The following CUX1 variants were observed in gnomAD, a reference collection of about 807,000 sequenced individuals.
CUX1 encodes the protein protein CASP.
CUX1 carries 31 observed loss-of-function variants against 158.8 expected under a neutral mutation model. The ratio of observed to expected loss-of-function variants is 0.20; its 90% CI spans 0.15 to 0.26. The LOEUF (loss-of-function observed/expected upper bound fraction) is 0.26. Among genes scored for constraint, CUX1 ranks in the 10% least tolerant of loss-of-function variants. CUX1 has a pLI of 1.00. For missense variants in CUX1, 1,589 were observed against 2,014.6 expected (o/e 0.79, Z 4.04); for synonymous variants, 879 against 862.1 (o/e 1.02, Z -0.34).
intron 3 of CUX1, among the ~76,000 whole-genome samples, chr7:102,056,225 A>T (rs768314442): frequency 1.7e-4 from 26 of 152,264 alleles, no homozygotes; most frequent in Non-Finnish European, 3.7e-4. Flanking sequence ...ATAATCAACG[A>T]AGATGATGGC....
chr7:102,011,901 T>G (rs1249441499), intron 2 of CUX1, among the ~76,000 whole-genome samples: 2 of 151,486 alleles, frequency 1.3e-5, no homozygotes, highest in Admixed American at 1.3e-4. Context: ...CGCTGGTCCC[T>G]GGGTTCAAGT....
chr7:102,180,909 TTATTTTATTG>T (rs199649980), intron 11 of CUX1, among the ~76,000 whole-genome samples: 31,249 of 108,560 alleles, frequency 0.29, 3,700 homozygotes, highest in African/African-American at 0.37. Context: ...TTATTTTATT[TTATTTTATTG>T]TATTTTATTT....
chr7:101,831,767 A>G (rs187317102), intron 1 of CUX1, among the ~76,000 whole-genome samples: 2 of 122,858 alleles, frequency 1.6e-5, no homozygotes, highest in Non-Finnish European at 3.6e-5. Context: ...TTAGAGACAG[A>G]GTCTCGCTCT....
intron 3 of CUX1, among the ~76,000 whole-genome samples, chr7:102,028,599 C>G (rs1820336070): frequency 6.6e-6 from 1 of 152,224 alleles, no homozygotes; most frequent in African/African-American, 2.4e-5. Context: ...CACAGAGCAT[C>G]TAGCAGAAGC....
intron 1 of CUX1, among the ~76,000 whole-genome samples, chr7:101,836,913 G>A (rs1020630792): frequency 6.6e-6 from 1 of 152,138 alleles, no homozygotes; most frequent in African/African-American, 2.4e-5. Flanking sequence ...AAGATGGAAG[G>A]AACCTGGGCC....
At chr7:101,954,889 A>G (rs1192623479) in intron 2 of CUX1, among the ~76,000 whole-genome samples, 3 of 151,372 alleles carry the variant, frequency 2.0e-5, no homozygotes, top group African/African-American at 7.3e-5. Context: ...ATACAGGTTC[A>G]GGCCAGGCAT....
rs368395100 is a variant in CUX1 at position 101,838,285 on chromosome 7, A to G, written c.30+20616A>G. ...GCTGGGACTACAGGCGCCTGCCACC[A>G]TGCCCGGCTAATTTTTATATGTTTA... is the stretch of plus-strand genomic sequence containing the variant. On this transcript the variant is annotated intron_variant, in intron 1 of 23. Transcript: ENST00000292535. Among the ~76,000 whole-genome samples, 12 of 151,538 alleles carry G rather than the reference A, an allele frequency of 7.9e-5. No homozygotes were observed. The East Asian group carries it at 2.4e-3, about 30-fold the overall frequency.
chr7:101,951,974 T>A (rs572718565), intron 2 of CUX1, among the ~76,000 whole-genome samples: 23 of 152,378 alleles, frequency 1.5e-4, no homozygotes, highest in Non-Finnish European at 2.9e-4. Flanking sequence ...CGTGGCTGTA[T>A]GCCGATAAAA....
chr7:102,058,140 A>C (rs9655773), intron 3 of CUX1, among the ~76,000 whole-genome samples: 22,083 of 152,240 alleles, frequency 0.15, 1,683 homozygotes, highest in Middle Eastern at 0.22. Context: ...TTTTTAATTA[A>C]GATATGTACA....
intron 2 of CUX1, among the ~76,000 whole-genome samples, chr7:101,981,319 C>A (rs1394991823): frequency 2.6e-5 from 4 of 152,156 alleles, no homozygotes; most frequent in Admixed American, 1.3e-4. Context: ...ATGTAAGTTG[C>A]CTGAATTCAA....
At chr7:102,265,762 T>C (rs1790758128) in intron 14 of CUX1, among the ~76,000 whole-genome samples, 2 of 152,120 alleles carry the variant, frequency 1.3e-5, no homozygotes, top group Non-Finnish European at 2.9e-5. Flanking sequence ...CTCTGGCTGC[T>C]GCTTGGTGCC....
chr7:102,269,704 G>A (rs550636692), intron 14 of CUX1, among the ~76,000 whole-genome samples: 8 of 151,832 alleles, frequency 5.3e-5, no homozygotes, highest in Non-Finnish European at 1.0e-4. Flanking sequence ...GATTACAGGC[G>A]TGAGCCACCA....
intron 2 of CUX1, among the ~76,000 whole-genome samples, chr7:101,923,429 A>G (rs1805203013): frequency 2.6e-5 from 4 of 152,184 alleles, no homozygotes; most frequent in Admixed American, 6.5e-5. Context: ...TTTTATCATG[A>G]AACCATCCCC....
chr7:102,227,951 C>CTTTTTTTTTTTT (rs781968632), intron 21 of CUX1, among the ~76,000 whole-genome samples: 9 of 117,294 alleles, frequency 7.7e-5, no homozygotes, highest in Non-Finnish European at 1.2e-4. Context: ...TCTTTTTTTT[C>CTTTTTTTTTTTT]TTTTTTTTTT....
chr7:101,985,354 T>C (rs1398449362), intron 2 of CUX1, among the ~76,000 whole-genome samples: 1 of 152,102 alleles, frequency 6.6e-6, no homozygotes, highest in African/African-American at 2.4e-5. Context: ...CCCTGGGGGT[T>C]CAGGGAAACT....
intron 15 of CUX1, 61 bp downstream of exon 15, chr7:102,197,366 G>T: frequency 6.7e-7 from 1 of 1,490,924 alleles, no homozygotes; most frequent in Non-Finnish European, 9.3e-7. Flanking sequence ...GCACATGTGT[G>T]TGTGCATGCG....
chr7:101,986,978 C>T (rs1814396126), intron 2 of CUX1, among the ~76,000 whole-genome samples: 1 of 152,136 alleles, frequency 6.6e-6, no homozygotes, highest in African/African-American at 2.4e-5. Context: ...TCGCTCACCT[C>T]CCTGGAACAC....
At chr7:101,842,282 A>G (rs1795256696) in intron 1 of CUX1, among the ~76,000 whole-genome samples, 1 of 152,222 alleles carries the variant, frequency 6.6e-6, no homozygotes, top group African/African-American at 2.4e-5. Context: ...AAAACGTTAT[A>G]TATGCAGTAT....
At position 101,817,740 on chromosome 7, in the gene CUX1, C is replaced by T. The variant is rs1792033373; in HGVS notation, c.30+71C>T. The stretch of plus-strand genomic sequence containing the variant: ...GGAACCGGGGATGTCGGGGGGTGCC[C>T]GGGTCCCGCGGCTTAGAATGCTCTA... On this transcript the variant is annotated intron_variant, in intron 1 of 23. Coordinates refer to ENST00000292535, the MANE Select transcript of CUX1 (RefSeq NM_181552.4). This position sits in a 1 kb window ranked among gnomAD's most constrained non-coding sequence, Gnocchi z 4.1. 31 of 1,528,332 alleles carry T rather than the reference C, an allele frequency of 2.0e-5. No homozygotes were observed. The South Asian group carries it at 2.8e-4, about 14-fold the overall frequency. 94.7% of individuals were successfully genotyped at this position (1,528,332 alleles called of 1,614,324 possible). A position where few individuals can be genotyped will look rare whatever the true frequency, so the allele number is the denominator to read the frequency against.
Sources: gnomAD v4.1 joint callset for allele counts (sites outside exome capture counted in the v4.1 genomes callset) on GRCh38, gnomAD v4.1.1 for gene constraint, Gnocchi (gnomAD v3.1) non-coding constraint, MANE v1.5 for transcripts, NCBI Gene and HGNC (gene_info 2026-07-23, HGNC 2026-07-21) for gene names.